TRPM6: variants seen among roughly 807,000 people sequenced by gnomAD.
TRPM6 encodes channel kinase 2.
Under a neutral mutation model 247.6 loss-of-function variants are expected in TRPM6, and 111 were observed. The observed-to-expected ratio is 0.45, with a 90% confidence interval of 0.38 to 0.52. TRPM6 has a LOEUF of 0.52. TRPM6 is among the 20% of genes least tolerant of loss of function. The pLI is 0.00. For synonymous variants in TRPM6, 892 were observed against 853.8 expected (o/e 1.04, Z -0.78); for missense variants, 2,126 against 2,421.5 (o/e 0.88, Z 2.56).
At position 74,786,027 on chromosome 9, in the gene TRPM6, T is replaced by C; in HGVS notation, c.2766A>G (p.Ser922=). 6.2e-7 allele frequency: 1 copy of C among 1,614,246 alleles called. No homozygotes were observed. Among genetic ancestry groups the C allele is most frequent in the Non-Finnish European group, 8.5e-7 (1 of 1,180,054 alleles). Reference sequence around the variant, plus strand: ...CACCCCATCGAAGGACGAAGCCAGCTGAAAACAGGCCAATGGCCACAGTTT... The same window carrying C: ...CACCCCATCGAAGGACGAAGCCAGCCGAAAACAGGCCAATGGCCACAGTTT... ...LTETVAIGLF[S]AGFVLRWGDP... is the part of the protein sequence containing the mutation. Residue 922 remains serine (S), a synonymous_variant, in exon 21 of 39, where the codon TCA becomes TCG. Coordinates refer to ENST00000360774, the MANE Select transcript of TRPM6 (RefSeq NM_017662.5).
intron 14 of TRPM6, chr9:74,804,495 T>C (rs1828463135): frequency 4.3e-6 from 3 of 692,024 alleles, no homozygotes; most frequent in African/African-American, 3.5e-5. Context: ...TCTCTATTTC[T>C]ACAGAGATCC....
intron 21 of TRPM6, among the ~76,000 whole-genome samples, chr9:74,785,530 CTT>C (rs35552309): frequency 6.7e-6 from 1 of 150,056 alleles, no homozygotes; most frequent in Non-Finnish European, 1.5e-5. Context: ...TTTTGAAAAC[CTT>C]TTTTTTTTGA....
At chr9:74,735,623 TA>T (rs796498146) in intron 36 of TRPM6, among the ~76,000 whole-genome samples, 1 of 152,114 alleles carries the variant, frequency 6.6e-6, no homozygotes, top group African/African-American at 2.4e-5. Flanking sequence ...TACAATGAGC[TA>T]AAAAAATGCT....
chr9:74,879,152 C>T (rs186494505), intron 1 of TRPM6, among the ~76,000 whole-genome samples: 42 of 151,708 alleles, frequency 2.8e-4, no homozygotes, highest in Non-Finnish European at 4.6e-4. Context: ...AAAAGAAATT[C>T]TAGAATTAAA....
intron 4 of TRPM6, 51 bp downstream of exon 4, chr9:74,842,112 GAAA>G (rs373974133): frequency 8.6e-4 from 1,195 of 1,384,914 alleles, no homozygotes; most frequent in Admixed American, 1.8e-3. Flanking sequence ...ACCCCGTCTC[GAAA>G]AAAAAAAAAA....
chr9:74,803,953 C>T lies in TRPM6; in HGVS notation c.1639-67G>A, dbSNP rs1828437871. The T allele has an allele frequency of 2.3e-5, 23 of 989,330 alleles. No homozygotes were observed. In the South Asian group the frequency reaches 2.4e-4, roughly 10 times the overall value. 61.3% of individuals were successfully genotyped at this position (989,330 alleles called of 1,614,324 possible). On this transcript the variant is annotated intron_variant, in intron 14 of 38. Transcript: ENST00000360774. ...TTATTATTTTATTTTTAAAATAAAA[C>T]AAAAGGAGGGGAGATTATAGTGGTA...
At chr9:74,871,370 A>C (rs1831024274) in intron 1 of TRPM6, among the ~76,000 whole-genome samples, 1 of 152,172 alleles carries the variant, frequency 6.6e-6, no homozygotes, top group South Asian at 2.1e-4. Flanking sequence ...TATATCCCCC[A>C]AAAAATTCTT....
In TRPM6 at chr9:74,855,572, T is replaced by A; in HGVS notation, c.114-7A>T. The A allele has an allele frequency of 6.3e-7, 1 of 1,586,360 alleles. No homozygotes were observed. Among genetic ancestry groups the A allele is most frequent in the South Asian group, 1.1e-5 (1 of 90,514 alleles). On this transcript the variant is annotated splice_region_variant and splice_polypyrimidine_tract_variant and intron_variant, in intron 2 of 38. Transcript: ENST00000360774. ...TTGGCATACTGGAGTACATCTAAATTAAAGAAATAAAACCTCTGTTAGTTT... is the reference window on the plus strand; with the variant it reads ...TTGGCATACTGGAGTACATCTAAATAAAAGAAATAAAACCTCTGTTAGTTT...
Position 74,855,585 on chromosome 9 carries a change from C to A in TRPM6, c.114-20G>T, listed in dbSNP as rs748463245. The A allele has an allele frequency of 6.4e-6, 10 of 1,555,762 alleles. No individual in the cohort carries two copies. The South Asian group carries it at 1.1e-4, about 17-fold the overall frequency. ...GTACATCTAAATTAAAGAAATAAAA[C>A]CTCTGTTAGTTTGTTGGTGTATCTG... On this transcript the variant is annotated intron_variant, in intron 2 of 38. Coordinates refer to ENST00000360774, the MANE Select transcript of TRPM6 (RefSeq NM_017662.5).
At position 74,816,767 on chromosome 9, in the gene TRPM6, T is replaced by C. The variant is rs758847557; in HGVS notation, c.1210A>G (p.Thr404Ala). 9 of 1,614,138 alleles carry C rather than the reference T, an allele frequency of 5.6e-6. No individual in the cohort carries two copies. The highest frequency in any genetic ancestry group is 7.6e-6 in the Non-Finnish European group (9 of 1,179,960). ...AATTGCTCTGACGCTGATAAATTTG[T>C]GCCTAGGGTAAAAGAAAGGAACAAT... ...LAILTALLKG[T>A]NLSASEQLNL... Residue 404 changes from threonine to alanine, a missense_variant and splice_region_variant, in exon 11 of 39, where the codon ACA (threonine) becomes GCA (alanine). Physicochemically the swap from Thr to Ala is moderately conservative, Grantham distance 58. This residue lies in a region of TRPM6 where 1,082 missense variants were observed against 1,307.9 expected (regional missense o/e 0.83). Coordinates refer to ENST00000360774, the MANE Select transcript of TRPM6 (RefSeq NM_017662.5).
At position 74,764,299 on chromosome 9, in the gene TRPM6, T is replaced by C. The variant is rs1253176714; in HGVS notation, c.3537-1165A>G. ...AATGTGACCTGATTTGGAAATCAGA[T>C]ATTGATAGAGTAATCAAGTTAAAAT... On this transcript the variant is annotated intron_variant, in intron 25 of 38. Transcript: ENST00000360774. Among the ~76,000 whole-genome samples, 4 of 152,212 alleles carry C rather than the reference T, an allele frequency of 2.6e-5. No homozygotes were observed. In the South Asian group the frequency reaches 8.3e-4, roughly 31 times the overall value.
intron 8 of TRPM6, among the ~76,000 whole-genome samples, chr9:74,821,296 T>C (rs115786210): frequency 6.6e-6 from 1 of 152,248 alleles, no homozygotes; most frequent in African/African-American, 2.4e-5. Context: ...CTATTTCCAT[T>C]AAGGGCAAAT....
intron 23 of TRPM6, among the ~76,000 whole-genome samples, chr9:74,777,127 A>G (rs1827252595): frequency 6.6e-6 from 1 of 152,224 alleles, no homozygotes; most frequent in African/African-American, 2.4e-5. Context: ...CAGCAGCAGC[A>G]GCATCACCTG....
chr9:74,784,046 A>C (rs1827557744), intron 21 of TRPM6, among the ~76,000 whole-genome samples: 1 of 152,178 alleles, frequency 6.6e-6, no homozygotes, highest in Admixed American at 6.5e-5. Context: ...ACTTGAGGTC[A>C]AGAGTTTGAG....
At chr9:74,857,372 C>A (rs564501814) in intron 2 of TRPM6, among the ~76,000 whole-genome samples, 1 of 152,104 alleles carries the variant, frequency 6.6e-6, no homozygotes, top group African/African-American at 2.4e-5. Flanking sequence ...AGTTCTAAAC[C>A]TTAAAGGCAT....
intron 35 of TRPM6, 36 bp downstream of exon 35, chr9:74,739,331 T>A: frequency 6.3e-7 from 1 of 1,579,784 alleles, no homozygotes; most frequent in Non-Finnish European, 8.7e-7. Flanking sequence ...AAATTCCTAC[T>A]TGAAACAAAG....
At chr9:74,846,380 C>T (rs1431991328) in intron 3 of TRPM6, among the ~76,000 whole-genome samples, 1 of 152,074 alleles carries the variant, frequency 6.6e-6, no homozygotes, top group Non-Finnish European at 1.5e-5. Context: ...GCAAGAACGG[C>T]CCTATCATAT....
At chr9:74,770,375 T>C (rs1216776837) in intron 25 of TRPM6, among the ~76,000 whole-genome samples, 1 of 152,220 alleles carries the variant, frequency 6.6e-6, no homozygotes, top group Non-Finnish European at 1.5e-5. Context: ...GTCAATTTGC[T>C]TCCATTTACA....
intron 7 of TRPM6, chr9:74,827,144 A>T (rs1266128714): frequency 3.9e-5 from 6 of 152,180 alleles, no homozygotes; most frequent in Admixed American, 6.6e-5. Flanking sequence ...CAAAGCTCAC[A>T]CCCCTAGTCC....
Sources: allele counts gnomAD v4.1 joint callset (sites outside exome capture counted in the v4.1 genomes callset), GRCh38; gene constraint gnomAD v4.1.1; regional missense constraint gnomAD v4.1.1; transcripts MANE v1.5; gene names NCBI Gene and HGNC (gene_info 2026-07-23, HGNC 2026-07-21).